The following KIRREL3 variants were observed in gnomAD, a reference collection of about 807,000 sequenced individuals.
KIRREL3 encodes kirre like nephrin family adhesion molecule 3.
A neutral mutation model predicts 89.7 loss-of-function variants in KIRREL3; 36 were observed. The observed-to-expected ratio is 0.40, with a 90% CI of 0.31 to 0.53. The LOEUF (loss-of-function observed/expected upper bound fraction) is 0.53. KIRREL3 is among the 20% of genes least tolerant of loss of function. The probability of loss-of-function intolerance (pLI) is 0.49; values close to 1 mark genes in which losing one functional copy is unlikely to be tolerated. For synonymous variants in KIRREL3, 445 were observed against 441.4 expected (o/e 1.01, Z -0.10); for missense variants, 864 against 1,056.6 (o/e 0.82, Z 2.53).
Position 126,819,496 on chromosome 11 carries a change from C to T in KIRREL3, c.55+180959G>A, listed in dbSNP as rs12099385. Among the ~76,000 whole-genome samples the T allele has an allele frequency of 9.5e-4, 144 of 152,344 alleles. 2 individuals carry two copies. Among genetic ancestry groups the T allele is most frequent in the African/African-American group, 3.1e-3 (129 of 41,572 alleles). ...GCTGCTCCTTCCTGCCATTTGTCAC[C>T]GGCAGGAGTGATAGATGGTTCTTCC... On this transcript the variant is annotated intron_variant, in intron 1 of 16. Transcript: ENST00000525144.
intron 5 of KIRREL3, among the ~76,000 whole-genome samples, chr11:126,472,809 G>C (rs1037480884): frequency 1.3e-5 from 2 of 151,898 alleles, no homozygotes; most frequent in Non-Finnish European, 2.9e-5. Flanking sequence ...AAGTGACACA[G>C]AGTGAGAGAG....
intron 1 of KIRREL3, among the ~76,000 whole-genome samples, chr11:126,735,212 C>T (rs1218778338): frequency 6.6e-6 from 1 of 152,114 alleles, no homozygotes; most frequent in African/African-American, 2.4e-5. Context: ...TCTGTGAGGG[C>T]TAGATGAGAT....
intron 11 of KIRREL3, 38 bp downstream of exon 11, chr11:126,440,411 C>T: frequency 6.5e-7 from 1 of 1,535,806 alleles, no homozygotes; most frequent in Non-Finnish European, 8.8e-7. Context: ...TGTTGGGCTG[C>T]TGGCCCGGCC....
Position 126,550,887 on chromosome 11 carries a change from T to C in KIRREL3, c.133+11948A>G, listed in dbSNP as rs999861783. ...AATTCTGACACTGTCTACCTGGAGA[T>C]AGTGTCAGATCCCACAGGCTGGGGG... is the stretch of plus-strand genomic sequence containing the variant. On this transcript the variant is annotated intron_variant, in intron 2 of 16. Transcript: ENST00000525144. This position sits in a 1 kb window ranked among gnomAD's most constrained non-coding sequence, Gnocchi z 4.9. Among the ~76,000 whole-genome samples, 3 of 152,088 alleles carry C rather than the reference T, an allele frequency of 2.0e-5. No individual in the cohort carries two copies. The highest frequency in any genetic ancestry group is 7.2e-5 in the African/African-American group (3 of 41,410).
chr11:126,819,686 C>T (rs1240145117), intron 1 of KIRREL3, among the ~76,000 whole-genome samples: 2 of 152,234 alleles, frequency 1.3e-5, no homozygotes, highest in African/African-American at 4.8e-5. Flanking sequence ...TGAGCAGAGG[C>T]CACAGGCATC....
rs1540252 is a variant in KIRREL3 at position 126,883,036 on chromosome 11, C to T, written c.55+117419G>A. On this transcript the variant is annotated intron_variant, in intron 1 of 16. Coordinates refer to ENST00000525144, the MANE Select transcript of KIRREL3 (RefSeq NM_032531.4). This position sits in a 1 kb window ranked among gnomAD's most constrained non-coding sequence, Gnocchi z 4.1. Reference sequence around the variant, plus strand: ...CTTCAATGGATGTGCATGATTCTTCCGTTGTAGCAAATATCATTGTAGTAA... The same window carrying T: ...CTTCAATGGATGTGCATGATTCTTCTGTTGTAGCAAATATCATTGTAGTAA... 0.29 allele frequency among the ~76,000 whole-genome samples: 43,825 copies of T among 152,058 alleles called. 6,404 individuals are homozygous for T. The highest frequency in any genetic ancestry group is 0.34 in the Admixed American group (5,213 of 15,282).
chr11:126,430,825 A>G lies in KIRREL3; in HGVS notation c.1696+594T>C. 1 of 280,566 alleles carries G rather than the reference A, an allele frequency of 3.6e-6. No individual in the cohort carries two copies. The highest frequency in any genetic ancestry group is 5.4e-6 in the Non-Finnish European group (1 of 184,326). 17.4% of individuals were successfully genotyped at this position (280,566 alleles called of 1,614,324 possible). A position where few individuals can be genotyped will look rare whatever the true frequency, so the allele number is the denominator to read the frequency against. On this transcript the variant is annotated intron_variant, in intron 14 of 16. Coordinates refer to ENST00000525144, the MANE Select transcript of KIRREL3 (RefSeq NM_032531.4). The surrounding 1 kb of genome is among the most constrained non-coding windows in gnomAD (Gnocchi z 6.6). Reference sequence around the variant, plus strand: ...GGTGGGACTGGAACACTGTGTCTCCATTGTCTTCACCTGTTCTCTGCCATC... The same window carrying G: ...GGTGGGACTGGAACACTGTGTCTCCGTTGTCTTCACCTGTTCTCTGCCATC...
At chr11:126,853,467 A>G (rs1944406484) in intron 1 of KIRREL3, among the ~76,000 whole-genome samples, 3 of 152,168 alleles carry the variant, frequency 2.0e-5, no homozygotes, top group Admixed American at 2.0e-4. Context: ...AAATGGGTAA[A>G]AGAAGTGATG....
intron 1 of KIRREL3, among the ~76,000 whole-genome samples, chr11:126,630,900 G>A (rs942648939): frequency 5.3e-5 from 8 of 152,114 alleles, no homozygotes; most frequent in South Asian, 2.1e-4. Context: ...TTTCACAGAC[G>A]TCTCCCTTCC....
At position 126,431,173 on chromosome 11, in the gene KIRREL3, C is replaced by T; in HGVS notation, c.1696+246G>A. 7 of 1,450,772 alleles carry T rather than the reference C, an allele frequency of 4.8e-6. No individual in the cohort carries two copies. Among genetic ancestry groups the T allele is most frequent in the African/African-American group, 2.8e-5 (2 of 70,532 alleles). 89.9% of individuals were successfully genotyped at this position (1,450,772 alleles called of 1,614,324 possible). A position where few individuals can be genotyped will look rare whatever the true frequency, so the allele number is the denominator to read the frequency against. On this transcript the variant is annotated intron_variant, in intron 14 of 16. Transcript: ENST00000525144. This position sits in a 1 kb window ranked among gnomAD's most constrained non-coding sequence, Gnocchi z 7.1. ...AGAGCTATGTGTTCAATCCAAAATG[C>T]TGGCTGCCCTGCAGATGAAGTTCAG...
chr11:126,712,718 C>T (rs1052036304), intron 1 of KIRREL3, among the ~76,000 whole-genome samples: 2 of 152,034 alleles, frequency 1.3e-5, no homozygotes, highest in African/African-American at 4.8e-5. Context: ...CTGAGGTTGG[C>T]GACAACCTGA....
In KIRREL3 at chr11:126,564,982, G is replaced by A. The variant is rs551301686; in HGVS notation, c.56-2070C>T. 6.6e-6 allele frequency among the ~76,000 whole-genome samples: 1 copy of A among 152,276 alleles called. No individual in the cohort carries two copies. Among genetic ancestry groups the A allele is most frequent in the Non-Finnish European group, 1.5e-5 (1 of 68,028 alleles). On this transcript the variant is annotated intron_variant, in intron 1 of 16. Coordinates refer to ENST00000525144, the MANE Select transcript of KIRREL3 (RefSeq NM_032531.4). The surrounding 1 kb of genome is among the most constrained non-coding windows in gnomAD (Gnocchi z 7.4). ...CTATTATATTTTTGCCATTGACTTCGTATGCCCATCTAAAGCACATCAGCA... is the reference window on the plus strand; with the variant it reads ...CTATTATATTTTTGCCATTGACTTCATATGCCCATCTAAAGCACATCAGCA...
intron 1 of KIRREL3, among the ~76,000 whole-genome samples, chr11:126,929,322 C>T (rs528386484): frequency 1.3e-5 from 2 of 152,146 alleles, no homozygotes; most frequent in East Asian, 3.9e-4. Context: ...CGAATGAAAT[C>T]CAGACAGGGA....
intron 1 of KIRREL3, among the ~76,000 whole-genome samples, chr11:126,815,869 T>C (rs1043589322): frequency 1.3e-4 from 20 of 152,170 alleles, no homozygotes; most frequent in Non-Finnish European, 2.6e-4. Context: ...ATATTCCTTG[T>C]TCTCTTTTCC....
rs1429336620 is a variant in KIRREL3 at position 126,566,510 on chromosome 11, C to T, written c.56-3598G>A. On this transcript the variant is annotated intron_variant, in intron 1 of 16. Transcript: ENST00000525144. The surrounding 1 kb of genome is among the most constrained non-coding windows in gnomAD (Gnocchi z 4.9). ...TGGGACTGTGAAGGGTTCCTTCTGA[C>T]TCGGGTCAGAATGAAAATAAGTGGG... Among the ~76,000 whole-genome samples the T allele has an allele frequency of 1.3e-5, 2 of 152,146 alleles. No homozygotes were observed. Among genetic ancestry groups the T allele is most frequent in the African/African-American group, 4.8e-5 (2 of 41,428 alleles).
At chr11:127,002,731 A>G (rs1423979506), upstream of KIRREL3, among the ~76,000 whole-genome samples, 2 of 152,134 alleles carry the variant, frequency 1.3e-5, no homozygotes, top group African/African-American at 4.8e-5. Context: ...GTTTTAACTA[A>G]AGATTTATCC....
upstream of KIRREL3, among the ~76,000 whole-genome samples, chr11:127,002,016 T>G (rs1016554714): frequency 5.3e-5 from 8 of 152,198 alleles, no homozygotes; most frequent in Admixed American, 1.3e-4. Context: ...GGAGGTCTTT[T>G]GGGAAACTCT....
intron 4 of KIRREL3, among the ~76,000 whole-genome samples, chr11:126,517,168 G>GAGAGAGAGAGAGAC (rs1958442193): frequency 6.8e-6 from 1 of 147,596 alleles, no homozygotes; most frequent in Non-Finnish European, 1.5e-5. Context: ...GAGAGAGAGA[G>GAGAGAGAGAGAGAC]AGACAGAGTG....
At chr11:126,469,998 G>A (rs556264242) in intron 5 of KIRREL3, among the ~76,000 whole-genome samples, 4 of 152,336 alleles carry the variant, frequency 2.6e-5, no homozygotes, top group Admixed American at 6.5e-5. Context: ...ACTGCCTGGC[G>A]CTGCCGTTCC....
Sources: gnomAD v4.1 joint callset for allele counts (sites outside exome capture counted in the v4.1 genomes callset) on GRCh38, gnomAD v4.1.1 for gene constraint, Gnocchi (gnomAD v3.1) non-coding constraint, MANE v1.5 for transcripts, NCBI Gene and HGNC (gene_info 2026-07-23, HGNC 2026-07-21) for gene names.